Variants in ZNF33B observed in about 807,000 individuals in gnomAD.
ZNF33B encodes zinc finger protein 33B, also known as zinc finger protein 11b (KOX 2).
A neutral mutation model predicts 45.8 loss-of-function variants in ZNF33B; 29 were observed. That is an observed-to-expected ratio of 0.63 (90% CI 0.47 to 0.86). The LOEUF is 0.86. Ranked by LOEUF, ZNF33B falls within the 40% of genes least tolerant of loss-of-function variation. The pLI is 0.00. For synonymous variants in ZNF33B, 305 were observed against 307.8 expected (o/e 0.99, Z 0.10); for missense variants, 831 against 909.9 (o/e 0.91, Z 1.12).
chr10:42,628,493 GT>G (rs1248117141), intron 4 of ZNF33B, among the ~76,000 whole-genome samples: 1 of 152,134 alleles, frequency 6.6e-6, no homozygotes, highest in African/African-American at 2.4e-5. Context: ...AATCAGTTTT[GT>G]TTTGTGTACT....
intron 4 of ZNF33B, among the ~76,000 whole-genome samples, chr10:42,596,742 C>A (rs1334386377): frequency 6.6e-6 from 1 of 151,974 alleles, no homozygotes; most frequent in East Asian, 1.9e-4. Flanking sequence ...TCCAATTGAT[C>A]ATTTCTTATA....
rs768486227 is a variant in ZNF33B at position 42,594,328 on chromosome 10, G to T, written c.622C>A (p.Gln208Lys). 1 of 1,613,862 alleles carries T rather than the reference G, an allele frequency of 6.2e-7. No individual in the cohort carries two copies. Among genetic ancestry groups the T allele is most frequent in the Non-Finnish European group, 8.5e-7 (1 of 1,179,892 alleles). The part of the protein sequence containing the change: ...NTLSHRENTL[Q>K]HEKIQTLDHN... ...TCTAAAGTTTGAATCTTCTCATGCTGCAAAGTGTTCTCACGATGACTCAGA... is the reference window on the plus strand; with the variant it reads ...TCTAAAGTTTGAATCTTCTCATGCTTCAAAGTGTTCTCACGATGACTCAGA... Residue 208 changes from glutamine (Q) to lysine (K), a missense_variant, in exon 5 of 5, where the codon CAG (glutamine) becomes AAG (lysine). Physicochemically the swap from Gln to Lys is moderately conservative, Grantham distance 53. Transcript: ENST00000359467.
downstream of ZNF33B, among the ~76,000 whole-genome samples, chr10:42,585,497 T>C (rs150037486): frequency 2.0e-4 from 31 of 152,360 alleles, no homozygotes; most frequent in East Asian, 5.8e-3. Context: ...CACAAAGGGT[T>C]TGCATCTTAG....
Position 42,593,113 on chromosome 10 carries a change from C to G in ZNF33B, c.1837G>C (p.Glu613Gln), listed in dbSNP as rs775319248. Residue 613 changes from glutamate (E) to glutamine (Q), a missense_variant, in exon 5 of 5, where the codon GAA (glutamate) becomes CAA (glutamine). Transcript: ENST00000359467. ...TTCTGGCAGAAGGTTTTTCCACATT[C>G]ATTACATTCATAGGGTTTCTCCCCT... ...HTGEKPYECN[E>Q]CGKTFCQKSQ... is the part of the protein sequence containing the mutation. 6.2e-7 allele frequency: 1 copy of G among 1,613,834 alleles called. No individual in the cohort carries two copies. Among genetic ancestry groups the G allele is most frequent in the Non-Finnish European group, 8.5e-7 (1 of 1,179,950 alleles).
In ZNF33B at chr10:42,592,859, T is replaced by C. The variant is rs771405028; in HGVS notation, c.2091A>G (p.Glu697=). 34 of 1,614,126 alleles carry C rather than the reference T, an allele frequency of 2.1e-5. No homozygotes were observed. Among genetic ancestry groups the C allele is most frequent in the Non-Finnish European group, 2.9e-5 (34 of 1,179,964 alleles). ...HTGEKPYECN[E]CGKSFSHKSS... ...ATTTGTGACTGAAGGATTTCCCACATTCATTGCATTCATAGGGTTTCTCCC... is the reference window on the plus strand; with the variant it reads ...ATTTGTGACTGAAGGATTTCCCACACTCATTGCATTCATAGGGTTTCTCCC... Residue 697 remains glutamate (E), a synonymous_variant, in exon 5 of 5, where the codon GAA becomes GAG. Transcript: ENST00000359467.
chr10:42,609,233 T>G (rs1157036024), intron 4 of ZNF33B, among the ~76,000 whole-genome samples: 1 of 152,072 alleles, frequency 6.6e-6, no homozygotes, highest in East Asian at 1.9e-4. Flanking sequence ...CCAGGCAACA[T>G]GGTGAAACCC....
At chr10:42,604,854 G>A (rs1169764878) in intron 4 of ZNF33B, among the ~76,000 whole-genome samples, 5 of 151,968 alleles carry the variant, frequency 3.3e-5, no homozygotes, top group African/African-American at 1.2e-4. Context: ...CCATGAGGCA[G>A]AGGTTGCAGC....
chr10:42,587,411 G>C (rs188438723), downstream of ZNF33B, among the ~76,000 whole-genome samples: 588 of 152,184 alleles, frequency 3.9e-3, 1 homozygote, highest in Non-Finnish European at 6.0e-3. Context: ...TGGCCAGGCT[G>C]ATCTTGAACT....
chr10:42,619,946 G>A (rs1353493987), intron 4 of ZNF33B, among the ~76,000 whole-genome samples: 8 of 152,146 alleles, frequency 5.3e-5, no homozygotes, highest in South Asian at 2.1e-4. Context: ...AGGTGTGGTC[G>A]GCTCATGCCT....
intron 4 of ZNF33B, among the ~76,000 whole-genome samples, chr10:42,610,490 A>G (rs1838055488): frequency 6.6e-6 from 1 of 152,216 alleles, no homozygotes; most frequent in Admixed American, 6.5e-5. Flanking sequence ...GTGAGCCAAG[A>G]TCGCGCCATT....
chr10:42,632,139 G>A, intron 3 of ZNF33B, 115 bp from the exon 4 acceptor site: 1 of 1,471,488 alleles, frequency 6.8e-7, no homozygotes, highest in Non-Finnish European at 9.4e-7. Flanking sequence ...TTTCACTGGA[G>A]AGGTGAACAC....
At chr10:42,595,185 C>A (rs925804014) in intron 4 of ZNF33B, among the ~76,000 whole-genome samples, 1 of 152,074 alleles carries the variant, frequency 6.6e-6, no homozygotes, top group Non-Finnish European at 1.5e-5. Flanking sequence ...AGAGAGTCAG[C>A]CAGAGACTGT....
intron 2 of ZNF33B, among the ~76,000 whole-genome samples, chr10:42,633,678 G>C (rs528570078): frequency 2.4e-4 from 37 of 152,248 alleles, no homozygotes; most frequent in Admixed American, 1.2e-3. Flanking sequence ...TATTAAATTT[G>C]AAGCACAGGC....
At position 42,620,396 on chromosome 10, in the gene ZNF33B, G is replaced by A. The variant is rs549718281; in HGVS notation, c.250+11533C>T. Among the ~76,000 whole-genome samples the A allele has an allele frequency of 1.2e-3, 175 of 151,902 alleles. 1 individual carries two copies. Among genetic ancestry groups the A allele is most frequent in the Non-Finnish European group, 2.1e-3 (144 of 67,916 alleles). ...ATCAGAAGACAGAGGCTGGCAGAAT[G>A]GATTTGATTGATTTATTTATTTTTT... On this transcript the variant is annotated intron_variant, in intron 4 of 4. Transcript: ENST00000359467.
chr10:42,585,770 T>C (rs1046487418), downstream of ZNF33B, among the ~76,000 whole-genome samples: 10 of 152,226 alleles, frequency 6.6e-5, no homozygotes, highest in African/African-American at 2.4e-4. Context: ...TTGTTATAAA[T>C]AAATTTTTTG....
chr10:42,624,446 T>A (rs960747357), intron 4 of ZNF33B, among the ~76,000 whole-genome samples: 1 of 152,196 alleles, frequency 6.6e-6, no homozygotes, highest in Non-Finnish European at 1.5e-5. Context: ...TCACTCCTTA[T>A]CCAAGGGCGA....
At chr10:42,578,308 TGCAGCATGGCTG>T (rs1158540191) in intron 1 of ZNF33B, among the ~76,000 whole-genome samples, 6 of 152,238 alleles carry the variant, frequency 3.9e-5, no homozygotes, top group Admixed American at 2.0e-4. Context: ...ATAAGAGGCC[TGCAGCATGGCTG>T]CCTCGGCACA....
chr10:42,584,434 G>A (rs919824782), downstream of ZNF33B, among the ~76,000 whole-genome samples: 1 of 152,110 alleles, frequency 6.6e-6, no homozygotes, highest in Non-Finnish European at 1.5e-5. Context: ...TGCCACCTGG[G>A]GACAGGGTGC....
chr10:42,615,036 T>G (rs1328780129), intron 4 of ZNF33B, among the ~76,000 whole-genome samples: 1 of 152,028 alleles, frequency 6.6e-6, no homozygotes. Context: ...TTACAACTAC[T>G]GGATTGGTAT....
Sources: allele counts gnomAD v4.1 joint callset (sites outside exome capture counted in the v4.1 genomes callset), GRCh38; gene constraint gnomAD v4.1.1; transcripts MANE v1.5; gene names NCBI Gene and HGNC (gene_info 2026-07-23, HGNC 2026-07-21).